Variants in CORIN observed in about 807,000 individuals in gnomAD.
CORIN encodes corin, serine peptidase.
CORIN carries 117 observed loss-of-function variants against 125.3 expected under a neutral mutation model. The ratio of observed to expected loss-of-function variants is 0.93; its 90% CI spans 0.80 to 1.09. The LOEUF is 1.09. CORIN is among the 50% of genes least tolerant of loss of function. The pLI is 0.00. For synonymous variants in CORIN, 450 were observed against 466.4 expected (o/e 0.96, Z 0.45); for missense variants, 1,253 against 1,306.7 (o/e 0.96, Z 0.63).
At chr4:47,697,986 C>T (rs986569782) in intron 5 of CORIN, among the ~76,000 whole-genome samples, 4 of 151,724 alleles carry the variant, frequency 2.6e-5, no homozygotes, top group African/African-American at 9.7e-5. Flanking sequence ...GATTTATGCA[C>T]TCATTTCTTT....
chr4:47,627,753 G>C (rs13142266), intron 16 of CORIN, among the ~76,000 whole-genome samples: 39,662 of 152,004 alleles, frequency 0.26, 5,405 homozygotes, highest in Admixed American at 0.35. Context: ...TCCCTTCTGC[G>C]ATAGAACTAC....
In CORIN at chr4:47,664,736, A is replaced by T. The variant is rs562407717; in HGVS notation, c.1589+296T>A. On this transcript the variant is annotated intron_variant, in intron 11 of 21. Transcript: ENST00000273857. ...CCCTTTTATACTATCATACTTTTTT[A>T]AAAAAATGGCTTTTTAATACAACAG... Among the ~76,000 whole-genome samples the T allele has an allele frequency of 4.5e-4, 68 of 152,234 alleles. 1 individual carries two copies. Among genetic ancestry groups the T allele is most frequent in the East Asian group, 2.7e-3 (14 of 5,180 alleles).
At chr4:47,786,996 C>T (rs1465481655) in intron 2 of CORIN, 71 bp from the exon 3 acceptor site, 1 of 1,088,106 alleles carries the variant, frequency 9.2e-7, no homozygotes, top group Non-Finnish European at 1.3e-6. Context: ...TTTTAAAAAA[C>T]ATTAAGAAAA....
intron 8 of CORIN, chr4:47,679,775 A>G (rs2109710635): frequency 5.9e-6 from 1 of 170,826 alleles, no homozygotes; most frequent in East Asian, 1.8e-4. Flanking sequence ...GGGAAGCTTA[A>G]CTACTCATGT....
chr4:47,661,698 T>C lies in CORIN; in HGVS notation c.1735+13A>G. 4 of 1,600,960 alleles carry C rather than the reference T, an allele frequency of 2.5e-6. No individual in the cohort carries two copies. The highest frequency in any genetic ancestry group is 2.6e-6 in the Non-Finnish European group (3 of 1,170,712). On this transcript the variant is annotated intron_variant, in intron 12 of 21. Coordinates refer to ENST00000273857, the MANE Select transcript of CORIN (RefSeq NM_006587.4). ...ATGTTAGATACCCTGCTGTAATTAA[T>C]TTTAAAATTAACCTTCCACATATTC... is the stretch of plus-strand genomic sequence containing the variant.
intron 4 of CORIN, among the ~76,000 whole-genome samples, chr4:47,757,878 GTATATATATATATATA>G (rs59621469): frequency 8.1e-6 from 1 of 123,926 alleles, no homozygotes; most frequent in African/African-American, 3.3e-5. Context: ...ATATATATAT[GTATATATATATATATA>G]TATATATATA....
chr4:47,665,048 G>T lies in CORIN; in HGVS notation c.1573C>A (p.His525Asn). 6.2e-7 allele frequency: 1 copy of T among 1,607,818 alleles called. No individual in the cohort carries two copies. Among genetic ancestry groups the T allele is most frequent in the African/African-American group, 1.3e-5 (1 of 74,836 alleles). The change falls in exon 11 of 22, where the codon CAT becomes AAT. Residue 525 changes from histidine (H) to asparagine (N), a missense_variant. By Grantham distance (68) the His-to-Asn change is moderately conservative. Transcript: ENST00000273857. ...VPKCDVNTGEHIPPCRALCEH... is the reference protein window; with the variant it reads ...VPKCDVNTGENIPPCRALCEH... ...TCATATTACCTGCAAGGAGGGATAT[G>T]CTCGCCTGTATTCACATCACATTTT...
chr4:47,671,494 G>A (rs1022126151), intron 10 of CORIN, among the ~76,000 whole-genome samples: 2 of 152,236 alleles, frequency 1.3e-5, no homozygotes, highest in African/African-American at 4.8e-5. Flanking sequence ...AGAGACCTAA[G>A]TATGCATATA....
At chr4:47,646,120 T>G (rs2109623957) in intron 13 of CORIN, among the ~76,000 whole-genome samples, 1 of 152,054 alleles carries the variant, frequency 6.6e-6, no homozygotes, top group East Asian at 1.9e-4. Context: ...ACATTCATCT[T>G]TAACTGTTCC....
At chr4:47,821,092 A>C (rs1732489752) in intron 1 of CORIN, among the ~76,000 whole-genome samples, 1 of 152,002 alleles carries the variant, frequency 6.6e-6, no homozygotes, top group Non-Finnish European at 1.5e-5. Context: ...AAAATTAGCC[A>C]GATGTGGTGA....
intron 5 of CORIN, among the ~76,000 whole-genome samples, chr4:47,694,856 A>G (rs895954573): frequency 6.6e-6 from 1 of 152,264 alleles, no homozygotes. Context: ...TAAAGCAGAA[A>G]AAAAACAAAA....
intron 13 of CORIN, among the ~76,000 whole-genome samples, chr4:47,653,135 T>C (rs980543420): frequency 6.6e-6 from 1 of 152,226 alleles, no homozygotes; most frequent in Non-Finnish European, 1.5e-5. Context: ...TTTCTTTCAG[T>C]ACATTGTTAT....
intron 9 of CORIN, among the ~76,000 whole-genome samples, chr4:47,675,447 T>C (rs61760499): frequency 3.9e-5 from 6 of 152,184 alleles, no homozygotes; most frequent in East Asian, 1.9e-4. Context: ...GAGATGTCAC[T>C]CTTTTTTTAA....
At chr4:47,769,987 G>C (rs1729947987) in intron 3 of CORIN, among the ~76,000 whole-genome samples, 1 of 151,846 alleles carries the variant, frequency 6.6e-6, no homozygotes, top group African/African-American at 2.4e-5. Context: ...CAAAGGCAAG[G>C]GCAACAAAAG....
chr4:47,742,838 A>T (rs931503157), intron 5 of CORIN, among the ~76,000 whole-genome samples: 1 of 152,150 alleles, frequency 6.6e-6, no homozygotes, highest in African/African-American at 2.4e-5. Context: ...TATAATATTC[A>T]ATATAAAGAT....
chr4:47,602,752 G>T (rs1037627560), intron 20 of CORIN, among the ~76,000 whole-genome samples: 1 of 152,148 alleles, frequency 6.6e-6, no homozygotes, highest in Non-Finnish European at 1.5e-5. Flanking sequence ...AAATGCCATG[G>T]TTCATTATTA....
intron 2 of CORIN, among the ~76,000 whole-genome samples, chr4:47,787,839 C>G (rs1036002034): frequency 6.6e-6 from 1 of 152,228 alleles, no homozygotes; most frequent in Non-Finnish European, 1.5e-5. Flanking sequence ...ATTCTTATGC[C>G]TTTGCATCCT....
Position 47,706,845 on chromosome 4 carries a change from A to T in CORIN, c.800-13762T>A, listed in dbSNP as rs1056895577. 21 of 1,598,374 alleles carry T rather than the reference A, an allele frequency of 1.3e-5. No individual in the cohort carries two copies. In the African/African-American group the frequency reaches 2.3e-4, roughly 17 times the overall value. ...TGGATCACCAAACCAGTCCACAAGC[A>T]CAGGGAGATGCGTGGGCTGACATCT... On this transcript the variant is annotated intron_variant, in intron 5 of 21. Coordinates refer to ENST00000273857, the MANE Select transcript of CORIN (RefSeq NM_006587.4).
intron 3 of CORIN, among the ~76,000 whole-genome samples, chr4:47,764,331 T>A (rs913777932): frequency 5.9e-5 from 9 of 152,228 alleles, no homozygotes; most frequent in Admixed American, 5.9e-4. Flanking sequence ...TTGGCTCTTT[T>A]GGGCGCCACC....
Sources: allele counts gnomAD v4.1 joint callset (sites outside exome capture counted in the v4.1 genomes callset), GRCh38; gene constraint gnomAD v4.1.1; transcripts MANE v1.5; gene names NCBI Gene and HGNC (gene_info 2026-07-23, HGNC 2026-07-21).